LRP1B: variants seen among roughly 807,000 people sequenced by gnomAD.
LRP1B encodes low-density lipoprotein receptor-related protein 1B.
A neutral mutation model predicts 556.6 loss-of-function variants in LRP1B; 217 were observed. The observed-to-expected ratio is 0.39, with a 90% CI of 0.35 to 0.44. The LOEUF is 0.44. LRP1B is among the 20% of genes least tolerant of loss of function. The pLI is 1.00. For missense variants in LRP1B, 5,053 were observed against 5,620.8 expected, an observed-to-expected ratio of 0.90 and a Z score of 3.23; for synonymous variants, 2,047 against 1,865.8, an observed-to-expected ratio of 1.10 and a Z score of -2.50.
chr2:140,756,994 G>A (rs77383894), intron 35 of LRP1B, among the ~76,000 whole-genome samples: 3,607 of 152,032 alleles, frequency 0.024, 60 homozygotes, highest in Middle Eastern at 0.051. Context: ...GTAATAAAAT[G>A]GGCAAAAGCT....
At chr2:140,887,330 T>C (rs1288223270) in intron 23 of LRP1B, among the ~76,000 whole-genome samples, 1 of 152,198 alleles carries the variant, frequency 6.6e-6, no homozygotes, top group African/African-American at 2.4e-5. Flanking sequence ...TAATTTTGGA[T>C]TAGCTCTTAT....
intron 1 of LRP1B, among the ~76,000 whole-genome samples, chr2:141,977,120 A>T (rs1334139655): frequency 6.6e-6 from 1 of 152,198 alleles, no homozygotes; most frequent in African/African-American, 2.4e-5. Context: ...TATAATTAAT[A>T]AACTCAGAAA....
At chr2:140,288,762 T>C (rs1683261152) in intron 84 of LRP1B, among the ~76,000 whole-genome samples, 1 of 151,854 alleles carries the variant, frequency 6.6e-6, no homozygotes, top group Non-Finnish European at 1.5e-5. Context: ...TCCCAACAGA[T>C]ATTTAAATAC....
At chr2:141,024,226 A>G (rs1698153256) in intron 11 of LRP1B, among the ~76,000 whole-genome samples, 1 of 151,970 alleles carries the variant, frequency 6.6e-6, no homozygotes. Context: ...GTCACAGACT[A>G]AAGATACCAC....
At chr2:140,560,977 A>T (rs1304616891) in intron 43 of LRP1B, among the ~76,000 whole-genome samples, 1 of 152,160 alleles carries the variant, frequency 6.6e-6, no homozygotes, top group Non-Finnish European at 1.5e-5. Context: ...ACTGGTGCTC[A>T]GAAAACAATA....
intron 43 of LRP1B, among the ~76,000 whole-genome samples, chr2:140,551,120 T>C (rs1680533109): frequency 6.6e-6 from 1 of 152,156 alleles, no homozygotes; most frequent in Non-Finnish European, 1.5e-5. Flanking sequence ...TTGTGAGAAA[T>C]AAATCTCTGT....
intron 73 of LRP1B, among the ~76,000 whole-genome samples, chr2:140,358,335 G>T (rs1456966342): frequency 6.6e-6 from 1 of 151,556 alleles, no homozygotes; most frequent in Non-Finnish European, 1.5e-5. Flanking sequence ...GATATCTACA[G>T]AAAAATTTTA....
At chr2:141,466,554 G>A (rs1406881741) in intron 3 of LRP1B, among the ~76,000 whole-genome samples, 1 of 151,450 alleles carries the variant, frequency 6.6e-6, no homozygotes, top group Non-Finnish European at 1.5e-5. Context: ...TGGGATAAAG[G>A]TAGATACTGT....
intron 32 of LRP1B, among the ~76,000 whole-genome samples, chr2:140,786,874 T>G (rs1262216915): frequency 6.6e-6 from 1 of 152,150 alleles, no homozygotes; most frequent in Non-Finnish European, 1.5e-5. Context: ...ACTAGTTTTG[T>G]GCAATGTGAA....
At chr2:141,084,840 G>A (rs917845184) in intron 7 of LRP1B, among the ~76,000 whole-genome samples, 3 of 151,786 alleles carry the variant, frequency 2.0e-5, no homozygotes, top group African/African-American at 7.3e-5. Context: ...TAGTAGAGAC[G>A]GGGTTTCACC....
At chr2:140,444,252 A>G in intron 65 of LRP1B, 78 bp downstream of exon 65, 1 of 1,454,126 alleles carries the variant, frequency 6.9e-7, no homozygotes, top group Non-Finnish European at 9.4e-7. Flanking sequence ...ATATGAATTT[A>G]TGAAGTATAG....
chr2:141,464,622 T>C (rs1682105739), intron 3 of LRP1B, among the ~76,000 whole-genome samples: 1 of 130,324 alleles, frequency 7.7e-6, no homozygotes, highest in Non-Finnish European at 1.6e-5. Context: ...TTAGTAGAGA[T>C]GGGGTTTCAC....
chr2:140,425,041 T>G (rs1370266353), intron 66 of LRP1B, among the ~76,000 whole-genome samples: 1 of 151,844 alleles, frequency 6.6e-6, no homozygotes, highest in Non-Finnish European at 1.5e-5. Context: ...CCTGGCCTGG[T>G]CTTGGAGGGA....
intron 1 of LRP1B, among the ~76,000 whole-genome samples, chr2:141,929,956 A>T (rs1700446603): frequency 6.6e-6 from 1 of 150,560 alleles, no homozygotes; most frequent in East Asian, 1.9e-4. Context: ...AATGCAGCAC[A>T]AGAATCCCAG....
chr2:141,864,975 A>G (rs970070837), intron 1 of LRP1B, among the ~76,000 whole-genome samples: 2 of 152,106 alleles, frequency 1.3e-5, no homozygotes, highest in Admixed American at 6.6e-5. Flanking sequence ...GAATTTCCTC[A>G]TTTCTCTATA....
intron 60 of LRP1B, among the ~76,000 whole-genome samples, chr2:140,465,832 G>A (rs1291887596): frequency 6.6e-6 from 1 of 151,902 alleles, no homozygotes; most frequent in East Asian, 1.9e-4. Flanking sequence ...TTTTAGAAAT[G>A]GCAGTTAATT....
chr2:141,019,999 T>C lies in LRP1B; in HGVS notation c.1893A>G (p.Lys631=), dbSNP rs2105396853. The C allele has an allele frequency of 6.2e-7, 1 of 1,611,512 alleles. No individual in the cohort carries two copies. Among genetic ancestry groups the C allele is most frequent in the Non-Finnish European group, 8.5e-7 (1 of 1,178,344 alleles). Residue 631 remains lysine, a synonymous_variant, in exon 12 of 91, where the codon AAA becomes AAG. Coordinates refer to ENST00000389484, the MANE Select transcript of LRP1B (RefSeq NM_018557.3). The stretch of plus-strand genomic sequence containing the variant: ...AAAGAGTCTTCCGACTCTGAGAAGC[T>C]TTTTCCAGCCTGGCCACATTAATGG... ...RKTINVARLE[K]ASQSRKTLLE...
chr2:141,276,761 A>G (rs1045762961), intron 3 of LRP1B, among the ~76,000 whole-genome samples: 2 of 146,896 alleles, frequency 1.4e-5, no homozygotes, highest in African/African-American at 5.1e-5. Flanking sequence ...GGTTCACGCC[A>G]TTCTCCTGCC....
intron 2 of LRP1B, among the ~76,000 whole-genome samples, chr2:141,578,028 C>A (rs141879448): frequency 7.4e-4 from 113 of 152,262 alleles, no homozygotes; most frequent in African/African-American, 2.6e-3. Context: ...AGTATAGTTA[C>A]AATTTTCCTG....
Sources: gnomAD v4.1 joint callset for allele counts (sites outside exome capture counted in the v4.1 genomes callset) on GRCh38, gnomAD v4.1.1 for gene constraint, MANE v1.5 for transcripts, NCBI Gene and HGNC (gene_info 2026-07-23, HGNC 2026-07-21) for gene names.